HIP1: variants seen among roughly 807,000 people sequenced by gnomAD.
HIP1 encodes the protein huntingtin interacting protein 1.
HIP1 carries 65 observed loss-of-function variants against 147.6 expected under a neutral mutation model. That is an observed-to-expected ratio of 0.44 (90% confidence interval 0.36 to 0.54). HIP1 has a LOEUF of 0.54. HIP1 is among the 20% of genes least tolerant of loss of function. HIP1 has a pLI of 0.00. For missense variants in HIP1, 1,061 were observed against 1,299.6 expected (o/e 0.82, Z 2.82); for synonymous variants, 479 against 504.0 (o/e 0.95, Z 0.67).
chr7:75,637,536 A>ATTTTTTTTTTTT (rs869251770), intron 1 of HIP1, among the ~76,000 whole-genome samples: 3 of 70,866 alleles, frequency 4.2e-5, no homozygotes, highest in Non-Finnish European at 7.8e-5. Context: ...TGCAGAGAGG[A>ATTTTTTTTTTTT]TTTTTTTTTT....
intron 4 of HIP1, 30 bp downstream of exon 4, chr7:75,592,026 G>A: frequency 6.3e-7 from 1 of 1,582,556 alleles, no homozygotes; most frequent in Non-Finnish European, 8.7e-7. Context: ...AGGAGAAGCA[G>A]GTGGCTCCTG....
In HIP1 at chr7:75,693,919, C is replaced by CTTTTTTTTT. The variant is rs10628011; in HGVS notation, c.120+44873_120+44881dup. Reference sequence around the variant, plus strand: ...GTTCAGAACTATCCAATTCTCTTTTCTTTTTTTTTTTTTTTTTTGAGATGG... The same window carrying CTTTTTTTTT: ...GTTCAGAACTATCCAATTCTCTTTTCTTTTTTTTTTTTTTTTTTTTTTTTTTTGAGATGG... On this transcript the variant is annotated intron_variant, in intron 1 of 30. Transcript: ENST00000336926. Among the ~76,000 whole-genome samples, 626 of 114,562 alleles carry CTTTTTTTTT rather than the reference C, an allele frequency of 5.5e-3. 9 individuals are homozygous for CTTTTTTTTT. Among genetic ancestry groups the CTTTTTTTTT allele is most frequent in the Middle Eastern group, 0.01 (2 of 192 alleles). The allele number at this position is 114,562 out of a possible 152,430, so 75.2% of individuals were successfully genotyped here.
intron 8 of HIP1, among the ~76,000 whole-genome samples, chr7:75,570,773 G>A (rs1268898697): frequency 6.6e-6 from 1 of 151,932 alleles, no homozygotes; most frequent in Non-Finnish European, 1.5e-5. Context: ...TTGGGAGGCC[G>A]AGGCAGGAGG....
At chr7:75,700,442 T>C (rs181516414) in intron 1 of HIP1, among the ~76,000 whole-genome samples, 260 of 152,238 alleles carry the variant, frequency 1.7e-3, no homozygotes, top group African/African-American at 6.1e-3. Context: ...AGAACCCTGA[T>C]GGGCCTTTGC....
intron 7 of HIP1, among the ~76,000 whole-genome samples, chr7:75,578,949 G>A (rs1554498149): frequency 1.3e-5 from 2 of 151,848 alleles, no homozygotes; most frequent in Non-Finnish European, 2.9e-5. Flanking sequence ...CTGAGTAGCT[G>A]GGATTACAGG....
chr7:75,728,476 C>G (rs1554522594), intron 1 of HIP1, among the ~76,000 whole-genome samples: 1 of 152,212 alleles, frequency 6.6e-6, no homozygotes, highest in African/African-American at 2.4e-5. Context: ...AGCTGGCTGC[C>G]AGCCCACTGC....
At chr7:75,550,171 A>AT (rs1257695639) in intron 22 of HIP1, among the ~76,000 whole-genome samples, 1 of 152,206 alleles carries the variant, frequency 6.6e-6, no homozygotes, top group Admixed American at 6.6e-5. Context: ...AAAGCCTATG[A>AT]TTTTTAAAAC....
At chr7:75,574,000 C>T (rs1399873663) in intron 7 of HIP1, 99 bp from the exon 8 acceptor site, 4 of 962,956 alleles carry the variant, frequency 4.2e-6, no homozygotes, top group Non-Finnish European at 4.7e-6. Context: ...CACCAAGGAC[C>T]GATTCTGTGC....
In HIP1 at chr7:75,559,733, TTC is replaced by T. The variant is rs1410081002; in HGVS notation, c.1372_1373del (p.Glu458LysfsTer7). 1 of 576,604 alleles carries T rather than the reference TTC, an allele frequency of 1.7e-6. No individual in the cohort carries two copies. The highest frequency in any genetic ancestry group is 2.2e-5 in the African/African-American group (1 of 44,924). 35.7% of individuals were successfully genotyped at this position (576,604 alleles called of 1,614,324 possible). A position where few individuals can be genotyped will look rare whatever the true frequency, so the allele number is the denominator to read the frequency against. Reference protein sequence around the residue: ...EKAQRSLSEIERKAQANEQRY... With the variant: ...EKAQRSLSEIXRKAQANEQRY... ...CCCCCGCCCCCACCCACCGCTCACT[TTC>T]TATCTCAGACAGGCTCCGCTGAGCC... On this transcript the variant is annotated frameshift_variant and splice_region_variant, in exon 14 of 31. Coordinates refer to ENST00000336926, the MANE Select transcript of HIP1 (RefSeq NM_005338.7). LOFTEE classifies it high-confidence loss of function.
intron 1 of HIP1, among the ~76,000 whole-genome samples, chr7:75,714,229 G>A (rs1290375310): frequency 3.3e-5 from 5 of 151,210 alleles, no homozygotes; most frequent in African/African-American, 1.2e-4. Flanking sequence ...TAGTGGAGAT[G>A]GGGTTTCACC....
chr7:75,708,642 G>T (rs552695113), intron 1 of HIP1, among the ~76,000 whole-genome samples: 1 of 152,152 alleles, frequency 6.6e-6, no homozygotes, highest in South Asian at 2.1e-4. Flanking sequence ...TTGGCACTCT[G>T]TTGAAAAATC....
intron 1 of HIP1, chr7:75,625,963 G>A (rs587710473): frequency 2.6e-5 from 4 of 152,196 alleles, no homozygotes; most frequent in African/African-American, 9.6e-5. Context: ...GCATGCGAAG[G>A]CACACCAGTC....
chr7:75,696,374 T>C (rs1800633422), intron 1 of HIP1, among the ~76,000 whole-genome samples: 1 of 152,162 alleles, frequency 6.6e-6, no homozygotes. Flanking sequence ...CTTGTGGGTC[T>C]TTCTCATTCT....
At chr7:75,725,466 C>T (rs1801623174) in intron 1 of HIP1, among the ~76,000 whole-genome samples, 1 of 152,142 alleles carries the variant, frequency 6.6e-6, no homozygotes, top group Non-Finnish European at 1.5e-5. Context: ...CTCCCTTTCC[C>T]CACCCTCCCA....
At chr7:75,658,409 G>C (rs1373758322) in intron 1 of HIP1, among the ~76,000 whole-genome samples, 3 of 152,148 alleles carry the variant, frequency 2.0e-5, no homozygotes, top group Admixed American at 1.3e-4. Flanking sequence ...TTTTTTGAAG[G>C]AATTCTGGAG....
chr7:75,580,450 C>CT (rs1236065741), intron 7 of HIP1, among the ~76,000 whole-genome samples: 1 of 151,968 alleles, frequency 6.6e-6, no homozygotes, highest in African/African-American at 2.4e-5. Flanking sequence ...TGGAAAATAT[C>CT]TAGGAGGCCA....
At chr7:75,689,432 A>AG (rs1331155372) in intron 1 of HIP1, among the ~76,000 whole-genome samples, 1 of 151,694 alleles carries the variant, frequency 6.6e-6, no homozygotes, top group African/African-American at 2.4e-5. Flanking sequence ...TGAAACTGGG[A>AG]GGGGGAGGTT....
chr7:75,665,009 C>T (rs1190188059), intron 1 of HIP1, among the ~76,000 whole-genome samples: 1 of 151,996 alleles, frequency 6.6e-6, no homozygotes, highest in Non-Finnish European at 1.5e-5. Flanking sequence ...TTTGGTGGTT[C>T]GCACCTGTAA....
intron 4 of HIP1, among the ~76,000 whole-genome samples, chr7:75,590,130 G>T (rs1166181193): frequency 2.0e-5 from 3 of 152,146 alleles, no homozygotes; most frequent in Admixed American, 6.6e-5. Flanking sequence ...GAAAGAAAGT[G>T]ATCTCAGATG....
Sources: gnomAD v4.1 joint callset for allele counts (sites outside exome capture counted in the v4.1 genomes callset) on GRCh38, gnomAD v4.1.1 for gene constraint, MANE v1.5 for transcripts, NCBI Gene and HGNC (gene_info 2026-07-23, HGNC 2026-07-21) for gene names.